STXBP4: variants seen among roughly 807,000 people sequenced by gnomAD.
The protein encoded by STXBP4 is syntaxin binding protein 4.
In STXBP4, 55 loss-of-function variants were observed where a neutral mutation model predicts 76.1. The ratio of observed to expected loss-of-function variants is 0.72; its 90% CI spans 0.58 to 0.91. The LOEUF is 0.91. Among genes scored for constraint, STXBP4 ranks in the 40% least tolerant of loss-of-function variants. The probability of loss-of-function intolerance (pLI) is 0.00; values close to 1 mark genes in which losing one functional copy is unlikely to be tolerated. For missense variants in STXBP4, 618 were observed against 636.9 expected (o/e 0.97, Z 0.32); for synonymous variants, 201 against 220.2 (o/e 0.91, Z 0.77).
Position 55,035,977 on chromosome 17 carries a change from T to C in STXBP4, c.855+1718T>C, listed in dbSNP as rs1372498121. 2.6e-5 allele frequency among the ~76,000 whole-genome samples: 4 copies of C among 152,196 alleles called. No individual in the cohort carries two copies. The East Asian group carries it at 7.7e-4, about 29-fold the overall frequency. On this transcript the variant is annotated intron_variant, in intron 10 of 17. Coordinates refer to ENST00000376352, the MANE Select transcript of STXBP4 (RefSeq NM_178509.6). Reference sequence around the variant, plus strand: ...AATGGCTCAATTGAGCTAATTAACATATGCTTTACCTCAAATAATTTATCT... The same window carrying C: ...AATGGCTCAATTGAGCTAATTAACACATGCTTTACCTCAAATAATTTATCT...
chr17:55,190,644 G>A, the STXBP4 span, among the ~76,000 whole-genome samples: 1 of 152,152 alleles, frequency 6.6e-6, no homozygotes, highest in East Asian at 1.9e-4. Flanking sequence ...AGGAAGGAAT[G>A]GTGGATCTGC....
chr17:55,047,185 C>T (rs949158013), intron 12 of STXBP4, 31 bp downstream of exon 12: 36 of 807,952 alleles, frequency 4.5e-5, no homozygotes, highest in Non-Finnish European at 6.2e-5. Context: ...TATATGTGCT[C>T]GTGTGTGTGT....
rs192726867 is a variant in STXBP4 at position 55,054,005 on chromosome 17, A to C, written c.1011+6851A>C. Among the ~76,000 whole-genome samples, 5 of 152,256 alleles carry C rather than the reference A, an allele frequency of 3.3e-5. No individual in the cohort carries two copies. The East Asian group carries it at 7.7e-4, about 23-fold the overall frequency. On this transcript the variant is annotated intron_variant, in intron 12 of 17. Transcript: ENST00000376352. ...AAAATAGCAGTTTTTTTCTTTTTCTAGCAGTACCTACTTTTTCCACATGAG... is the reference window on the plus strand; with the variant it reads ...AAAATAGCAGTTTTTTTCTTTTTCTCGCAGTACCTACTTTTTCCACATGAG...
chr17:55,009,435 A>T (rs1297346907), intron 8 of STXBP4, among the ~76,000 whole-genome samples: 1 of 152,200 alleles, frequency 6.6e-6, no homozygotes. Context: ...TAACTGCTTT[A>T]CCTGACAGAC....
intron 1 of STXBP4, among the ~76,000 whole-genome samples, chr17:54,984,905 A>G (rs1194529695): frequency 4.1e-5 from 3 of 72,500 alleles, no homozygotes; most frequent in Non-Finnish European, 6.0e-5. Flanking sequence ...TCTTTTTTTT[A>G]TCTTCCAAAA....
At chr17:54,976,036 G>A (rs780902165) in intron 1 of STXBP4, among the ~76,000 whole-genome samples, 49 of 152,212 alleles carry the variant, frequency 3.2e-4, no homozygotes, top group Non-Finnish European at 6.3e-4. Flanking sequence ...CCACTAGAAT[G>A]TAAATACCAA....
chr17:55,131,482 A>G (rs1158809490), intron 16 of STXBP4, among the ~76,000 whole-genome samples: 3 of 152,062 alleles, frequency 2.0e-5, no homozygotes, highest in Non-Finnish European at 4.4e-5. Flanking sequence ...TGCTGTTCCT[A>G]TTTTCTTAGA....
intron 13 of STXBP4, among the ~76,000 whole-genome samples, chr17:55,075,111 G>C (rs1319374449): frequency 6.6e-6 from 1 of 151,310 alleles, no homozygotes; most frequent in Admixed American, 6.6e-5. Flanking sequence ...TAGTACCTTT[G>C]AAGACCCACA....
At chr17:55,133,925 A>C (rs1355261115) in intron 16 of STXBP4, among the ~76,000 whole-genome samples, 2 of 152,194 alleles carry the variant, frequency 1.3e-5, no homozygotes, top group Non-Finnish European at 1.5e-5. Flanking sequence ...TGTAAGGTTT[A>C]GTTATAAAGT....
intron 10 of STXBP4, among the ~76,000 whole-genome samples, chr17:55,042,389 T>A (rs988774464): frequency 1.3e-5 from 2 of 151,980 alleles, no homozygotes; most frequent in Non-Finnish European, 2.9e-5. Flanking sequence ...AAGTTTCCAA[T>A]AAGTGGTTGA....
chr17:54,999,855 A>ATAAAAG lies in STXBP4; in HGVS notation c.498+14_498+15insAAAAGT. 1 of 1,577,756 alleles carries ATAAAAG rather than the reference A, an allele frequency of 6.3e-7. No individual in the cohort carries two copies. The highest frequency in any genetic ancestry group is 8.7e-7 in the Non-Finnish European group (1 of 1,149,952). Reference sequence around the variant, plus strand: ...ATCTTCTTGTGAGGTAAGTCAGGTAATCTTAAATTTCTCTATATATGCACT... The same window carrying ATAAAAG: ...ATCTTCTTGTGAGGTAAGTCAGGTAATAAAAGTCTTAAATTTCTCTATATATGCACT... On this transcript the variant is annotated intron_variant, in intron 6 of 17. Transcript: ENST00000376352.
chr17:55,078,113 A>G lies in STXBP4; in HGVS notation c.1224A>G (p.Val408=), dbSNP rs1202102335. The change falls in exon 14 of 18, where the codon GTA becomes GTG. Residue 408 remains valine, a synonymous_variant. Coordinates refer to ENST00000376352, the MANE Select transcript of STXBP4 (RefSeq NM_178509.6). The stretch of plus-strand genomic sequence containing the variant: ...AGGATTTAAAAAAGAGAATCATGGT[A>G]CTCGACTGCCAATTACGAAAATCAG... The part of the protein sequence containing the change: ...SVQDLKKRIM[V]LDCQLRKSEM... 1.2e-6 allele frequency: 2 copies of G among 1,612,018 alleles called. No individual in the cohort carries two copies. Among genetic ancestry groups the G allele is most frequent in the Non-Finnish European group, 8.5e-7 (1 of 1,178,966 alleles).
At chr17:55,175,001 G>C (rs971332473), downstream of STXBP4, among the ~76,000 whole-genome samples, 1 of 151,588 alleles carries the variant, frequency 6.6e-6, no homozygotes, top group African/African-American at 2.4e-5. Flanking sequence ...TTCAGCCTGC[G>C]ACAGAGCGAG....
intron 4 of STXBP4, among the ~76,000 whole-genome samples, chr17:54,994,604 T>C (rs2077770175): frequency 6.6e-6 from 1 of 152,168 alleles, no homozygotes; most frequent in African/African-American, 2.4e-5. Flanking sequence ...GCTTAAACTG[T>C]CATCAGTTTT....
chr17:55,005,771 A>G (rs1176257017), intron 7 of STXBP4, among the ~76,000 whole-genome samples: 3 of 152,156 alleles, frequency 2.0e-5, no homozygotes, highest in Non-Finnish European at 4.4e-5. Context: ...ACCAAACACC[A>G]AGCTGGAAGT....
chr17:54,992,289 A>G (rs4794550), intron 4 of STXBP4, among the ~76,000 whole-genome samples: 35,607 of 151,570 alleles, frequency 0.23, 4,657 homozygotes, highest in South Asian at 0.31. Flanking sequence ...ATGGTGTTGC[A>G]TGCCAGTAGT....
intron 16 of STXBP4, among the ~76,000 whole-genome samples, chr17:55,086,087 A>T (rs1039129825): frequency 6.6e-6 from 1 of 152,182 alleles, no homozygotes; most frequent in Non-Finnish European, 1.5e-5. Flanking sequence ...CATTAACTTC[A>T]GTATCTGTCA....
In STXBP4 at chr17:55,103,566, T is replaced by C. The variant is rs994578385; in HGVS notation, c.1489+22383T>C. Among the ~76,000 whole-genome samples the C allele has an allele frequency of 6.8e-5, 10 of 147,184 alleles. No individual in the cohort carries two copies. In the East Asian group the frequency reaches 2.1e-3, roughly 31 times the overall value. On this transcript the variant is annotated intron_variant, in intron 16 of 17. Coordinates refer to ENST00000376352, the MANE Select transcript of STXBP4 (RefSeq NM_178509.6). Reference sequence around the variant, plus strand: ...TATAGTTTGAAGTCAGGTAGCATGATGCCTCCAGTTTTGTTTTTTTTTTGC... The same window carrying C: ...TATAGTTTGAAGTCAGGTAGCATGACGCCTCCAGTTTTGTTTTTTTTTTGC...
intron 11 of STXBP4, among the ~76,000 whole-genome samples, chr17:55,046,718 A>G (rs185531467): frequency 1.1e-4 from 16 of 152,040 alleles, no homozygotes; most frequent in Admixed American, 9.8e-4. Flanking sequence ...CCTCTTTTGT[A>G]TGGTCGAAGA....
Sources: gnomAD v4.1 joint callset for allele counts (sites outside exome capture counted in the v4.1 genomes callset) on GRCh38, gnomAD v4.1.1 for gene constraint, MANE v1.5 for transcripts, NCBI Gene and HGNC (gene_info 2026-07-23, HGNC 2026-07-21) for gene names.